The following CCNB3 variants were observed in gnomAD, a reference collection of about 807,000 sequenced individuals.
CCNB3 encodes G2/mitotic-specific cyclin-B3.
CCNB3 carries 12 observed loss-of-function variants against 68.0 expected under a neutral mutation model. The ratio of observed to expected loss-of-function variants is 0.18; its 90% CI spans 0.11 to 0.29. CCNB3 has a LOEUF of 0.29. CCNB3 is among the 10% of genes least tolerant of loss of function. The pLI is 1.00. For synonymous variants in CCNB3, 354 were observed against 388.9 expected (o/e 0.91, Z 1.06); for missense variants, 904 against 993.1 (o/e 0.91, Z 1.21).
At chrX:50,225,208 A>G (rs1231335820) in intron 1 of CCNB3, among the ~76,000 whole-genome samples, 2 of 111,192 alleles carry the variant, frequency 1.8e-5, no homozygotes, top group African/African-American at 6.5e-5. Context: ...TTAAGCTGAG[A>G]CTTGATCCTT....
At chrX:50,346,330 G>A (rs782791652) in intron 9 of CCNB3, among the ~76,000 whole-genome samples, 14 of 111,852 alleles carry the variant, frequency 1.3e-4, no homozygotes, top group Non-Finnish European at 2.4e-4. Flanking sequence ...TTCAACATTC[G>A]TGGTTCTCAG....
chrX:50,311,408 G>A lies in CCNB3; in HGVS notation c.3239G>A (p.Gly1080Asp), dbSNP rs910410150. Reference protein sequence around the residue: ...KSSIATMTSVGKSRTTTESSA... With the variant: ...KSSIATMTSVDKSRTTTESSA... ...AGCATTGCAACCATGACCAGCGTGG[G>A]CAAGTCCAGGACCACCACCGAGTCC... The change falls in exon 6 of 13, where the codon GGC (glycine) becomes GAC (aspartate). Residue 1080 changes from glycine to aspartate, a missense_variant. Gly to Asp is a moderately conservative substitution (Grantham distance 94). Transcript: ENST00000376042. The A allele has an allele frequency of 4.1e-6, 5 of 1,208,362 alleles. No homozygotes were observed. Among genetic ancestry groups the A allele is most frequent in the Non-Finnish European group, 5.6e-6 (5 of 894,891 alleles).
At position 50,226,978 on chromosome X, in the gene CCNB3, G is replaced by T. The variant is rs1192296376; in HGVS notation, c.-113+22028G>T. The stretch of plus-strand genomic sequence containing the variant: ...ATAGTATATATATAGAATATATATA[G>T]TATATATATAGAATATATAAATATA... On this transcript the variant is annotated intron_variant, in intron 1 of 12. Transcript: ENST00000376042. Among the ~76,000 whole-genome samples, 163 of 58,968 alleles carry T rather than the reference G, an allele frequency of 2.8e-3. 1 individual carries two copies. The highest frequency in any genetic ancestry group is 0.013 in the African/African-American group (159 of 12,001). The allele number at this position is 58,968 out of a possible 115,157, so 51.2% of individuals were successfully genotyped here.
In CCNB3 at chrX:50,351,632, C is replaced by T; in HGVS notation, c.4117C>T (p.Pro1373Ser). Reference protein sequence around the residue: ...HPVFFEVAKIPALDMLKLEEI... With the variant: ...HPVFFEVAKISALDMLKLEEI... ...GGTCTTCTTTGAAGTCGCCAAAATC[C>T]CTGCCTTGGATATGTTGAAGCTGGA... Residue 1373 changes from proline to serine, a missense_variant, in exon 13 of 13, where the codon CCT becomes TCT. Pro to Ser is a moderately conservative substitution (Grantham distance 74). Coordinates refer to ENST00000376042, the MANE Select transcript of CCNB3 (RefSeq NM_033031.3). 1 of 1,211,328 alleles carries T rather than the reference C, an allele frequency of 8.3e-7. No homozygotes were observed. Among genetic ancestry groups the T allele is most frequent in the African/African-American group, 1.7e-5 (1 of 57,718 alleles).
intron 8 of CCNB3, among the ~76,000 whole-genome samples, chrX:50,329,451 C>T (rs1557217771): frequency 8.9e-6 from 1 of 112,717 alleles, no homozygotes; most frequent in African/African-American, 3.2e-5. Flanking sequence ...GCTGCCAGGG[C>T]TTATGGCTTG....
Position 50,309,229 on chromosome X carries a change from A to C in CCNB3, c.1060A>C (p.Lys354Gln). 1 of 1,211,170 alleles carries C rather than the reference A, an allele frequency of 8.3e-7. No individual in the cohort carries two copies. Among genetic ancestry groups the C allele is most frequent in the Non-Finnish European group, 1.1e-6 (1 of 895,155 alleles). Residue 354 changes from lysine to glutamine, a missense_variant, in exon 6 of 13, where the codon AAG becomes CAG. Transcript: ENST00000376042. ...CTTGAAGAAATCATTGGCCTTGCAG[A>C]AGACCAACTTTAAAGAGGATTCCCT... ...SILKKSLALQKTNFKEDSLVK... is the reference protein window; with the variant it reads ...SILKKSLALQQTNFKEDSLVK...
chrX:50,203,989 G>C (rs1296777702), upstream of CCNB3, among the ~76,000 whole-genome samples: 1 of 111,285 alleles, frequency 9.0e-6, no homozygotes, highest in African/African-American at 3.3e-5. Flanking sequence ...TTATTGTCAG[G>C]ATAATTCATC....
intron 1 of CCNB3, among the ~76,000 whole-genome samples, chrX:50,208,076 C>A (rs1311455640): frequency 8.9e-6 from 1 of 112,038 alleles, no homozygotes; most frequent in Non-Finnish European, 1.9e-5. Flanking sequence ...TGAGCTGTAG[C>A]AACATGTGTG....
intron 8 of CCNB3, among the ~76,000 whole-genome samples, chrX:50,338,281 A>T (rs1379198357): frequency 8.9e-6 from 1 of 112,474 alleles, no homozygotes; most frequent in African/African-American, 3.2e-5. Flanking sequence ...GCTGCAGACA[A>T]GAACCTCTCA....
At chrX:50,279,808 A>C (rs1936071813) in intron 1 of CCNB3, among the ~76,000 whole-genome samples, 1 of 88,698 alleles carries the variant, frequency 1.1e-5, no homozygotes, top group Admixed American at 1.6e-4. Context: ...TATATATAGA[A>C]TATATATGGT....
rs782181571 is a variant in CCNB3 at position 50,298,325 on chromosome X, A to T, written c.335+3332A>T. Among the ~76,000 whole-genome samples the T allele has an allele frequency of 2.1e-4, 23 of 111,752 alleles. No homozygotes were observed. The South Asian group carries it at 8.3e-3, about 40-fold the overall frequency. The stretch of plus-strand genomic sequence containing the variant: ...CGTCCCATCAATACCTAATTTATTG[A>T]GAGTTTTTAGCATGAAGGGTTGTTG... On this transcript the variant is annotated intron_variant, in intron 5 of 12. Coordinates refer to ENST00000376042, the MANE Select transcript of CCNB3 (RefSeq NM_033031.3).
intron 8 of CCNB3, among the ~76,000 whole-genome samples, chrX:50,340,871 C>T (rs1308684509): frequency 9.0e-6 from 1 of 111,511 alleles, no homozygotes; most frequent in African/African-American, 3.3e-5. Flanking sequence ...TGTACAAATA[C>T]ATGGACATTA....
intron 5 of CCNB3, among the ~76,000 whole-genome samples, chrX:50,304,535 G>A (rs782374859): frequency 1.0e-3 from 112 of 111,788 alleles, no homozygotes; most frequent in African/African-American, 3.5e-3. Context: ...TGTTAGACCT[G>A]AAACCATACA....
intron 1 of CCNB3, among the ~76,000 whole-genome samples, chrX:50,226,988 A>AGAATATATATAGTATATATATC (rs1935857828): frequency 2.6e-5 from 2 of 76,846 alleles, no homozygotes; most frequent in African/African-American, 1.1e-4. Flanking sequence ...GTATATATAT[A>AGAATATATATAGTATATATATC]GAATATATAA....
chrX:50,292,954 A>T (rs1321172646), intron 4 of CCNB3, among the ~76,000 whole-genome samples: 1 of 111,843 alleles, frequency 8.9e-6, no homozygotes, highest in East Asian at 2.8e-4. Flanking sequence ...CAAGATATTG[A>T]TGCTAGATGT....
intron 5 of CCNB3, among the ~76,000 whole-genome samples, chrX:50,296,993 A>C (rs1342188485): frequency 9.1e-6 from 1 of 110,322 alleles, no homozygotes; most frequent in Non-Finnish European, 1.9e-5. Context: ...TTTTTCTTGT[A>C]AATTTGTTTG....
intron 8 of CCNB3, among the ~76,000 whole-genome samples, chrX:50,319,916 T>G (rs1175509536): frequency 1.8e-5 from 2 of 111,793 alleles, no homozygotes; most frequent in Non-Finnish European, 3.8e-5. Flanking sequence ...CAATTGATCT[T>G]CAAAAATGGG....
At chrX:50,328,549 A>G (rs1317753447) in intron 8 of CCNB3, among the ~76,000 whole-genome samples, 1 of 111,414 alleles carries the variant, frequency 9.0e-6, no homozygotes, top group Non-Finnish European at 1.9e-5. Flanking sequence ...AACACCTCCC[A>G]CCAGGCCCCA....
chrX:50,212,594 C>G (rs1255205024), intron 1 of CCNB3, among the ~76,000 whole-genome samples: 2 of 111,006 alleles, frequency 1.8e-5, no homozygotes, highest in African/African-American at 6.6e-5. Flanking sequence ...AGTTGGACAA[C>G]CATCACCATG....
Sources: allele counts gnomAD v4.1 joint callset (sites outside exome capture counted in the v4.1 genomes callset), GRCh38; gene constraint gnomAD v4.1.1; transcripts MANE v1.5; gene names NCBI Gene and HGNC (gene_info 2026-07-23, HGNC 2026-07-21).